The following WDR72 variants were observed in gnomAD, a reference collection of about 807,000 sequenced individuals.
The protein encoded by WDR72 is WD repeat domain 72.
WDR72 carries 120 observed loss-of-function variants against 124.2 expected under a neutral mutation model. That is an observed-to-expected ratio of 0.97 (90% CI 0.83 to 1.12). WDR72 has a LOEUF of 1.12. Ranked by LOEUF, WDR72 falls within the 50% of genes most tolerant of loss-of-function variation. The pLI is 0.00. For synonymous variants in WDR72, 452 were observed against 441.7 expected, an observed-to-expected ratio of 1.02 and a Z score of -0.29; for missense variants, 1,387 against 1,278.8, an observed-to-expected ratio of 1.08 and a Z score of -1.29.
chr15:53,759,230 A>C (rs2019000932), intron 1 of WDR72: 1 of 152,138 alleles, frequency 6.6e-6, no homozygotes, highest in Non-Finnish European at 1.5e-5. Flanking sequence ...AATTCAATCG[A>C]TTCCGTTCCA....
intron 1 of WDR72, among the ~76,000 whole-genome samples, chr15:53,736,606 G>A (rs2018361406): frequency 6.6e-6 from 1 of 152,170 alleles, no homozygotes. Flanking sequence ...AGGAGGATAG[G>A]AAGGCATGCA....
At position 53,550,953 on chromosome 15, in the gene WDR72, T is replaced by C. The variant is rs138621656; in HGVS notation, c.3149-27631A>G. 1.2e-3 allele frequency among the ~76,000 whole-genome samples: 189 copies of C among 152,180 alleles called. 1 individual carries two copies. The highest frequency in any genetic ancestry group is 4.4e-3 in the African/African-American group (181 of 41,536). ...ATTAATTAAAAAAGAAAATGAGTAA[T>C]ATGAAAGAAATTCACAGTTTGTCAT... On this transcript the variant is annotated intron_variant, in intron 18 of 19. Coordinates refer to ENST00000360509, the MANE Select transcript of WDR72 (RefSeq NM_182758.4).
chr15:53,728,108 G>T (rs1196463079), intron 2 of WDR72, among the ~76,000 whole-genome samples: 1 of 152,202 alleles, frequency 6.6e-6, no homozygotes, highest in Non-Finnish European at 1.5e-5. Context: ...ATTTACAAAA[G>T]AAAGAAGTTT....
At chr15:53,653,942 A>T (rs955430745) in intron 14 of WDR72, among the ~76,000 whole-genome samples, 4 of 152,268 alleles carry the variant, frequency 2.6e-5, no homozygotes, top group African/African-American at 9.6e-5. Flanking sequence ...AACATTCTGA[A>T]ATATTAAAGA....
chr15:53,596,931 C>A lies in WDR72; in HGVS notation c.3148+148G>T, dbSNP rs965037705. On this transcript the variant is annotated intron_variant, in intron 18 of 19. Coordinates refer to ENST00000360509, the MANE Select transcript of WDR72 (RefSeq NM_182758.4). ...ACAGTGGGTTTAGCCAGATATAACC[C>A]CATCATAAGTCAAGGAGACTAGTGA... The A allele has an allele frequency of 6.5e-5, 50 of 773,754 alleles. 1 individual carries two copies. In the Admixed American group the frequency reaches 9.9e-4, roughly 15 times the overall value. The allele number at this position is 773,754 out of a possible 1,614,324, so 47.9% of individuals were successfully genotyped here.
chr15:53,627,380 T>C (rs2014253093), intron 14 of WDR72, among the ~76,000 whole-genome samples: 1 of 152,190 alleles, frequency 6.6e-6, no homozygotes, highest in South Asian at 2.1e-4. Flanking sequence ...CCTTGCCTTA[T>C]AACATAAAGA....
In WDR72 at chr15:53,613,648, T is replaced by G. The variant is rs1256611788; in HGVS notation, c.2872+18A>C. 6.4e-7 allele frequency: 1 copy of G among 1,561,750 alleles called. No homozygotes were observed. The highest frequency in any genetic ancestry group is 1.1e-5 in the South Asian group (1 of 90,106). Reference sequence around the variant, plus strand: ...GAAAAAAAAAATCAGATCATATCTGTGCCAGTAACTCTCTTACCATTTCGT... The same window carrying G: ...GAAAAAAAAAATCAGATCATATCTGGGCCAGTAACTCTCTTACCATTTCGT... On this transcript the variant is annotated intron_variant, in intron 16 of 19. Transcript: ENST00000360509.
chr15:53,675,775 G>A (rs1156670856), intron 13 of WDR72, among the ~76,000 whole-genome samples: 1 of 152,090 alleles, frequency 6.6e-6, no homozygotes, highest in Non-Finnish European at 1.5e-5. Context: ...AATTTTTCCT[G>A]GGAAGAGGAA....
intron 13 of WDR72, among the ~76,000 whole-genome samples, chr15:53,670,299 C>T (rs2015941642): frequency 6.6e-6 from 1 of 152,182 alleles, no homozygotes; most frequent in Non-Finnish European, 1.5e-5. Context: ...AAGGAAAGAT[C>T]AGTTTCCAAA....
At chr15:53,667,483 A>C (rs2015820952) in intron 13 of WDR72, among the ~76,000 whole-genome samples, 1 of 152,228 alleles carries the variant, frequency 6.6e-6, no homozygotes, top group African/African-American at 2.4e-5. Context: ...GGAGAAAAAA[A>C]TGATTTATAG....
At chr15:53,660,823 G>C (rs2015584234) in intron 14 of WDR72, among the ~76,000 whole-genome samples, 2 of 152,146 alleles carry the variant, frequency 1.3e-5, no homozygotes. Flanking sequence ...TCACAGGTTA[G>C]ACTTGATATA....
At chr15:53,689,480 G>C (rs1460515006) in intron 13 of WDR72, among the ~76,000 whole-genome samples, 1 of 148,966 alleles carries the variant, frequency 6.7e-6, no homozygotes, top group Non-Finnish European at 1.5e-5. Flanking sequence ...CATCATCTCT[G>C]GCCATCAGAG....
intron 2 of WDR72, among the ~76,000 whole-genome samples, chr15:53,727,902 C>T (rs539856): frequency 0.061 from 9,248 of 152,244 alleles, 914 homozygotes; most frequent in African/African-American, 0.21. Flanking sequence ...CACTTAGTCA[C>T]TGTCATGATG....
At chr15:53,647,413 T>C (rs981814531) in intron 14 of WDR72, among the ~76,000 whole-genome samples, 8 of 152,028 alleles carry the variant, frequency 5.3e-5, no homozygotes, top group African/African-American at 1.9e-4. Flanking sequence ...GAAAATTAGA[T>C]CATCCATAAT....
At chr15:53,726,074 GAAAA>G (rs958241445) in intron 2 of WDR72, among the ~76,000 whole-genome samples, 1 of 124,836 alleles carries the variant, frequency 8.0e-6, no homozygotes, top group East Asian at 2.3e-4. Context: ...TTCATCTCAA[GAAAA>G]AAAAAAAGAT....
At position 53,523,330 on chromosome 15, in the gene WDR72, A is replaced by AAGAGAGAGAG. The variant is rs57737580; in HGVS notation, c.3149-18_3149-9dup. ...TGACCGGGCTGACTGGAGCTATTAA[A>AAGAGAGAGAG]AGAGAGAGAGAGAGAGAGAGAGACA... On this transcript the variant is annotated splice_polypyrimidine_tract_variant and intron_variant, in intron 18 of 19. Coordinates refer to ENST00000360509, the MANE Select transcript of WDR72 (RefSeq NM_182758.4). 584 of 1,575,828 alleles carry AAGAGAGAGAG rather than the reference A, an allele frequency of 3.7e-4. 4 individuals are homozygous for AAGAGAGAGAG. The East Asian group carries it at 0.012, about 33-fold the overall frequency.
intron 13 of WDR72, among the ~76,000 whole-genome samples, chr15:53,667,335 C>G (rs952743379): frequency 6.6e-6 from 1 of 152,074 alleles, no homozygotes; most frequent in Non-Finnish European, 1.5e-5. Flanking sequence ...GCCTGGGTGA[C>G]AGAACGAGAC....
At chr15:53,739,131 A>C (rs964307340) in intron 1 of WDR72, among the ~76,000 whole-genome samples, 2 of 152,152 alleles carry the variant, frequency 1.3e-5, no homozygotes, top group African/African-American at 4.8e-5. Context: ...ATGACAGCTC[A>C]TTTAACAGCT....
At chr15:53,640,108 T>C (rs1024816039) in intron 14 of WDR72, among the ~76,000 whole-genome samples, 5 of 152,244 alleles carry the variant, frequency 3.3e-5, no homozygotes, top group African/African-American at 1.2e-4. Flanking sequence ...CTTTTGTTTA[T>C]GGTAACATGG....
Sources: gnomAD v4.1 joint callset for allele counts (sites outside exome capture counted in the v4.1 genomes callset) on GRCh38, gnomAD v4.1.1 for gene constraint, MANE v1.5 for transcripts, NCBI Gene and HGNC (gene_info 2026-07-23, HGNC 2026-07-21) for gene names.